The following USP38 variants were observed in gnomAD, a reference collection of about 807,000 sequenced individuals.
USP38 encodes the protein ubiquitin specific peptidase 38.
Under a neutral mutation model 94.3 loss-of-function variants are expected in USP38, and 49 were observed. The observed-to-expected ratio is 0.52, with a 90% CI of 0.41 to 0.66. The LOEUF (loss-of-function observed/expected upper bound fraction) is 0.66. USP38 is among the 30% of genes least tolerant of loss of function. USP38 has a pLI of 0.00. For missense variants in USP38, 1,128 were observed against 1,229.4 expected, an observed-to-expected ratio of 0.92 and a Z score of 1.23; for synonymous variants, 468 against 463.6, an observed-to-expected ratio of 1.01 and a Z score of -0.12.
At chr4:143,210,302 G>A (rs1731987546) in intron 7 of USP38, among the ~76,000 whole-genome samples, 1 of 152,080 alleles carries the variant, frequency 6.6e-6, no homozygotes, top group African/African-American at 2.4e-5. Context: ...TAAAAGAAGA[G>A]TCTTGGCCAG....
chr4:143,185,711 C>T lies in USP38; in HGVS notation c.261C>T (p.Gly87=). 6.2e-7 allele frequency: 1 copy of T among 1,614,162 alleles called. No homozygotes were observed. The highest frequency in any genetic ancestry group is 8.5e-7 in the Non-Finnish European group (1 of 1,180,026). The change falls in exon 1 of 10, where the codon GGC becomes GGT. Residue 87 remains glycine (G), a synonymous_variant. Coordinates refer to ENST00000307017, the MANE Select transcript of USP38 (RefSeq NM_032557.6). Reference sequence around the variant, plus strand: ...TCTTCAACAAGACCTTCGTGTTGGGCCTCCTTCATCAGGGCTACCACTCTC... The same window carrying T: ...TCTTCAACAAGACCTTCGTGTTGGGTCTCCTTCATCAGGGCTACCACTCTC... The part of the protein sequence containing the change: ...ESFFNKTFVL[G]LLHQGYHSLD...
chr4:143,206,332 A>C, intron 6 of USP38, 106 bp downstream of exon 6: 2 of 975,454 alleles, frequency 2.1e-6, no homozygotes, highest in Non-Finnish European at 2.8e-6. Flanking sequence ...TAAATGGCAT[A>C]AATGTTAACT....
chr4:143,217,634 A>G (rs951783348), intron 9 of USP38, among the ~76,000 whole-genome samples: 9 of 152,196 alleles, frequency 5.9e-5, no homozygotes, highest in East Asian at 3.8e-4. Flanking sequence ...TCACCTTGTG[A>G]TAATTTTAAG....
intron 2 of USP38, among the ~76,000 whole-genome samples, chr4:143,190,650 ATAAT>A (rs1442026959): frequency 1.3e-5 from 2 of 152,156 alleles, no homozygotes; most frequent in African/African-American, 2.4e-5. Context: ...TTTGATTAAC[ATAAT>A]TAATAAGTCC....
chr4:143,189,304 AT>A, intron 2 of USP38, among the ~76,000 whole-genome samples: 1 of 151,788 alleles, frequency 6.6e-6, no homozygotes, highest in Non-Finnish European at 1.5e-5. Context: ...TTTTTTTCTA[AT>A]TGAGTTTTTT....
At chr4:143,187,003 T>C (rs1045611094) in intron 1 of USP38, among the ~76,000 whole-genome samples, 3 of 152,234 alleles carry the variant, frequency 2.0e-5, no homozygotes, top group African/African-American at 7.2e-5. Context: ...AGGTGGAGTT[T>C]TAACAAACGT....
chr4:143,220,522 C>G lies in USP38; in HGVS notation c.*66C>G, dbSNP rs141058665. On this transcript the variant is annotated 3_prime_UTR_variant, in exon 10 of 10. Coordinates refer to ENST00000307017, the MANE Select transcript of USP38 (RefSeq NM_032557.6). ...ATACTATGACTGTTAAAATGTCAGA[C>G]TATAACAAATATCTATCTTTTATTT... 554 of 1,389,354 alleles carry G rather than the reference C, an allele frequency of 4.0e-4. 5 individuals are homozygous for G. The African/African-American group carries it at 7.3e-3, about 18-fold the overall frequency. 86.1% of individuals were successfully genotyped at this position (1,389,354 alleles called of 1,614,324 possible).
intron 9 of USP38, among the ~76,000 whole-genome samples, chr4:143,216,842 G>A (rs770393621): frequency 1.2e-4 from 18 of 148,146 alleles, no homozygotes; most frequent in Non-Finnish European, 2.5e-4. Context: ...ACAGAGTCTC[G>A]CTCTGTCACC....
intron 9 of USP38, among the ~76,000 whole-genome samples, chr4:143,217,525 G>A (rs1023573617): frequency 2.6e-5 from 4 of 152,140 alleles, no homozygotes; most frequent in African/African-American, 7.2e-5. Context: ...AACATTTTGA[G>A]TTCCTCTGCT....
intron 6 of USP38, among the ~76,000 whole-genome samples, chr4:143,207,514 G>A (rs936473250): frequency 2.0e-5 from 3 of 152,104 alleles, no homozygotes; most frequent in Non-Finnish European, 4.4e-5. Flanking sequence ...CTCCAGCCTG[G>A]GCAACACAGT....
chr4:143,214,615 C>T lies in USP38; in HGVS notation c.2639C>T (p.Ala880Val), dbSNP rs763207479. ...TATCAGATGTACCACCAGTCTGAGG[C>T]TCTGGCATTAGCATCCTCCCAGAGT... is the stretch of plus-strand genomic sequence containing the variant. The part of the protein sequence containing the change: ...SSYQMYHQSE[A>V]LALASSQSHL... The change falls in exon 9 of 10, where the codon GCT becomes GTT. Residue 880 changes from alanine (A) to valine (V), a missense_variant. Transcript: ENST00000307017. 2 of 1,613,636 alleles carry T rather than the reference C, an allele frequency of 1.2e-6. No individual in the cohort carries two copies. Among genetic ancestry groups the T allele is most frequent in the South Asian group, 2.2e-5 (2 of 91,068 alleles).
At chr4:143,208,080 T>A (rs1347607517) in intron 6 of USP38, among the ~76,000 whole-genome samples, 1 of 152,168 alleles carries the variant, frequency 6.6e-6, no homozygotes, top group Non-Finnish European at 1.5e-5. Context: ...TAAAGAAAAT[T>A]TGCAGAGAAT....
At chr4:143,218,928 A>G (rs1581170824) in intron 9 of USP38, among the ~76,000 whole-genome samples, 1 of 152,034 alleles carries the variant, frequency 6.6e-6, no homozygotes, top group East Asian at 1.9e-4. Context: ...TCTGTTTCTG[A>G]TGTTACTTAT....
At chr4:143,204,393 GCA>G in intron 5 of USP38, 4 of 444,960 alleles carry the variant, frequency 9.0e-6, no homozygotes, top group Admixed American at 4.9e-5. Context: ...GTTCTAAAAA[GCA>G]CTTTTTTTTT....
chr4:143,187,840 C>T lies in USP38; in HGVS notation c.697C>T (p.Pro233Ser). The T allele has an allele frequency of 3.1e-6, 5 of 1,609,584 alleles. No homozygotes were observed. The highest frequency in any genetic ancestry group is 1.7e-5 in the Admixed American group (1 of 59,102). The change falls in exon 2 of 10, where the codon CCT (proline) becomes TCT (serine). Residue 233 changes from proline to serine, a missense_variant. Transcript: ENST00000307017. ...TGAAAAAACAGATGCATCATTTGAA[C>T]CTTCTGTAGCATTGGCAAGCCTTGT... is the stretch of plus-strand genomic sequence containing the variant. ...SISSTDASFE[P>S]SVALASLVQH...
rs1450356051 is a variant in USP38, at chr4:143,213,985, A to G, written c.2009A>G (p.Asp670Gly). ...CCAACAACAGCTGCCTTCATCTGTG[A>G]CTCACTTGTGAATGAAAAAACCATA... is the stretch of plus-strand genomic sequence containing the variant. ...YNPTTAAFICDSLVNEKTIGS... is the reference protein window; with the variant it reads ...YNPTTAAFICGSLVNEKTIGS... Residue 670 changes from aspartate to glycine, a missense_variant, in exon 9 of 10, where the codon GAC (aspartate) becomes GGC (glycine). By Grantham distance (94) the Asp-to-Gly change is moderately conservative. Coordinates refer to ENST00000307017, the MANE Select transcript of USP38 (RefSeq NM_032557.6). The G allele has an allele frequency of 6.2e-7, 1 of 1,613,508 alleles. No individual in the cohort carries two copies. The highest frequency in any genetic ancestry group is 1.7e-5 in the Admixed American group (1 of 59,958).
chr4:143,209,826 A>AT (rs148666231), intron 7 of USP38, among the ~76,000 whole-genome samples, 169 bp downstream of exon 7: 90,222 of 151,678 alleles, frequency 0.59, 27,017 homozygotes, highest in East Asian at 0.82. Context: ...AAATATCTAG[A>AT]TTTTTTTTAT....
intron 4 of USP38, among the ~76,000 whole-genome samples, chr4:143,202,058 C>T (rs1731729745): frequency 6.6e-6 from 1 of 152,162 alleles, no homozygotes; most frequent in African/African-American, 2.4e-5. Flanking sequence ...CCTCTTCTGT[C>T]TCCCTTCACC....
At chr4:143,188,043 T>G (rs1171846966) in intron 2 of USP38, 82 bp downstream of exon 2, 2 of 1,398,598 alleles carry the variant, frequency 1.4e-6, no homozygotes, top group African/African-American at 2.9e-5. Flanking sequence ...AATGAAAAAC[T>G]TACGAATGTT....
Sources: allele counts gnomAD v4.1 joint callset (sites outside exome capture counted in the v4.1 genomes callset), GRCh38; gene constraint gnomAD v4.1.1; transcripts MANE v1.5; gene names NCBI Gene and HGNC (gene_info 2026-07-23, HGNC 2026-07-21).